Variants in PSD3 observed in about 807,000 individuals in gnomAD.
PSD3 encodes the protein PH and SEC7 domain-containing protein 3.
In PSD3, 49 loss-of-function variants were observed where a neutral mutation model predicts 105.5. That is an observed-to-expected ratio of 0.46 (90% CI 0.37 to 0.59). PSD3 has a LOEUF of 0.59. Among genes scored for constraint, PSD3 ranks in the 20% least tolerant of loss-of-function variants. The pLI is 0.00. For missense variants in PSD3, 1,561 were observed against 1,263.8 expected (o/e 1.24, Z -3.57); for synonymous variants, 557 against 457.8 (o/e 1.22, Z -2.77).
chr8:18,892,720 G>C (rs187374986), intron 2 of PSD3, among the ~76,000 whole-genome samples: 27 of 151,198 alleles, frequency 1.8e-4, no homozygotes, highest in African/African-American at 6.6e-4. Context: ...TGCCTCTCAG[G>C]TTCAAGCGAT....
At chr8:19,042,517 G>A (rs1472958638) in intron 1 of PSD3, among the ~76,000 whole-genome samples, 6 of 152,234 alleles carry the variant, frequency 3.9e-5, no homozygotes. Context: ...CACTAGCAAA[G>A]TAGGGTTTTT....
chr8:18,687,141 T>A (rs1247393770), intron 9 of PSD3, among the ~76,000 whole-genome samples: 2 of 152,160 alleles, frequency 1.3e-5, no homozygotes, highest in African/African-American at 4.8e-5. Context: ...CCCTTCTCTA[T>A]CGGCTCTCAC....
intron 2 of PSD3, among the ~76,000 whole-genome samples, chr8:18,920,296 AT>A (rs2129467037): frequency 6.6e-6 from 1 of 152,340 alleles, no homozygotes; most frequent in African/African-American, 2.4e-5. Flanking sequence ...TAAATATAAA[AT>A]TCAAAATAAT....
chr8:18,793,900 G>C (rs921321179), intron 8 of PSD3, among the ~76,000 whole-genome samples: 12 of 152,130 alleles, frequency 7.9e-5, no homozygotes, highest in Non-Finnish European at 1.2e-4. Context: ...TATCATGGAA[G>C]TCTGTGATGT....
chr8:18,786,643 T>A (rs946863809), intron 8 of PSD3: 1 of 152,338 alleles, frequency 6.6e-6, no homozygotes, highest in East Asian at 1.9e-4. Context: ...ATTCAAATAC[T>A]TGGAGTCCTA....
chr8:18,558,407 T>A (rs887425123), intron 14 of PSD3, among the ~76,000 whole-genome samples: 1 of 152,190 alleles, frequency 6.6e-6, no homozygotes. Context: ...AAAACACCCA[T>A]GAATCTAACA....
At chr8:18,550,894 G>A (rs918478460) in intron 15 of PSD3, among the ~76,000 whole-genome samples, 3 of 152,166 alleles carry the variant, frequency 2.0e-5, no homozygotes, top group African/African-American at 7.2e-5. Context: ...CTTCTGTAAA[G>A]GAGATAGCAT....
At chr8:18,781,215 T>TA (rs1411037279) in intron 8 of PSD3, among the ~76,000 whole-genome samples, 4 of 152,320 alleles carry the variant, frequency 2.6e-5, no homozygotes, top group African/African-American at 9.6e-5. Context: ...AGCATGTACT[T>TA]ACCATAAATC....
chr8:19,003,785 C>G (rs182066571), intron 1 of PSD3, among the ~76,000 whole-genome samples: 1 of 151,920 alleles, frequency 6.6e-6, no homozygotes, highest in Non-Finnish European at 1.5e-5. Context: ...TGGATCAAGA[C>G]CCAGTGCTGA....
At chr8:18,912,609 G>T (rs1051291287) in intron 2 of PSD3, among the ~76,000 whole-genome samples, 6 of 152,094 alleles carry the variant, frequency 3.9e-5, no homozygotes, top group Non-Finnish European at 5.9e-5. Context: ...CATCTCTGTG[G>T]CTAGGATTCT....
At chr8:18,606,796 C>A (rs954165764) in intron 11 of PSD3, among the ~76,000 whole-genome samples, 3 of 152,188 alleles carry the variant, frequency 2.0e-5, no homozygotes, top group Non-Finnish European at 4.4e-5. Flanking sequence ...AAGGCATTAA[C>A]ATTAACTAAG....
intron 2 of PSD3, among the ~76,000 whole-genome samples, chr8:18,909,900 T>C (rs1455388299): frequency 6.6e-6 from 1 of 152,250 alleles, no homozygotes; most frequent in African/African-American, 2.4e-5. Context: ...CATTGTAATT[T>C]CCCTCCGCTG....
intron 8 of PSD3, among the ~76,000 whole-genome samples, chr8:18,792,697 G>C (rs977601379): frequency 1.3e-5 from 2 of 152,078 alleles, no homozygotes; most frequent in Non-Finnish European, 2.9e-5. Flanking sequence ...AGAGGATGTG[G>C]AGAAATAGGA....
intron 8 of PSD3, among the ~76,000 whole-genome samples, chr8:18,788,206 A>C (rs1447092606): frequency 6.6e-6 from 1 of 152,216 alleles, no homozygotes; most frequent in Non-Finnish European, 1.5e-5. Flanking sequence ...GATGTATTCT[A>C]TTCTCCAAAT....
At chr8:18,542,755 T>C (rs551067696) in intron 15 of PSD3, among the ~76,000 whole-genome samples, 2 of 152,124 alleles carry the variant, frequency 1.3e-5, no homozygotes, top group South Asian at 4.1e-4. Context: ...TCTCTGAAAT[T>C]GTTGTTTAGT....
At chr8:18,663,449 A>C (rs1317428861) in intron 9 of PSD3, among the ~76,000 whole-genome samples, 1 of 152,170 alleles carries the variant, frequency 6.6e-6, no homozygotes, top group South Asian at 2.1e-4. Flanking sequence ...GCAAAAAAAA[A>C]AAAACCGAAT....
chr8:18,903,629 C>A (rs771430494), intron 2 of PSD3, among the ~76,000 whole-genome samples: 1 of 152,048 alleles, frequency 6.6e-6, no homozygotes, highest in Non-Finnish European at 1.5e-5. Context: ...TCAGTTCAGC[C>A]CAGGGATGTG....
At chr8:18,744,608 A>T (rs1260840196) in intron 9 of PSD3, among the ~76,000 whole-genome samples, 1 of 152,184 alleles carries the variant, frequency 6.6e-6, no homozygotes, top group Non-Finnish European at 1.5e-5. Context: ...TTCTGAAATA[A>T]TTTTAGACTT....
chr8:18,638,537 A>AAAAC (rs1361177230), intron 10 of PSD3, among the ~76,000 whole-genome samples: 1 of 125,006 alleles, frequency 8.0e-6, no homozygotes, highest in Non-Finnish European at 1.7e-5. Flanking sequence ...AAAAGCATTA[A>AAAAC]AAACAAACAA....
Sources: gnomAD v4.1 joint callset for allele counts (sites outside exome capture counted in the v4.1 genomes callset) on GRCh38, gnomAD v4.1.1 for gene constraint, MANE v1.5 for transcripts, NCBI Gene and HGNC (gene_info 2026-07-23, HGNC 2026-07-21) for gene names.